Variants in PTGFRN observed in about 807,000 individuals in gnomAD.
The protein encoded by PTGFRN is prostaglandin F2 receptor negative regulator.
Under a neutral mutation model 83.2 loss-of-function variants are expected in PTGFRN, and 35 were observed. The observed-to-expected ratio is 0.42, with a 90% confidence interval of 0.32 to 0.56. The LOEUF (loss-of-function observed/expected upper bound fraction) is 0.56, where lower values mean the gene tolerates loss of function less well. Among genes scored for constraint, PTGFRN ranks in the 20% least tolerant of loss-of-function variants. The probability of loss-of-function intolerance (pLI) is 0.11; values close to 1 mark genes in which losing one functional copy is unlikely to be tolerated. For synonymous variants in PTGFRN, 519 were observed against 498.6 expected, an observed-to-expected ratio of 1.04 and a Z score of -0.55; for missense variants, 1,051 against 1,179.5, an observed-to-expected ratio of 0.89 and a Z score of 1.60.
At position 116,986,935 on chromosome 1, in the gene PTGFRN, C is replaced by A; in HGVS notation, c.2608C>A (p.Arg870Ser). Residue 870 changes from arginine (R) to serine (S), a missense_variant, in exon 9 of 9, where the codon CGC (arginine) becomes AGC (serine). Coordinates refer to ENST00000393203, the MANE Select transcript of PTGFRN (RefSeq NM_020440.4). Reference sequence around the variant, plus strand: ...GGAGGTTCAGGAGACACGGCGCGAGCGCCGCAGGCTCATGTCGATGGAGAT... The same window carrying A: ...GGAGGTTCAGGAGACACGGCGCGAGAGCCGCAGGCTCATGTCGATGGAGAT... ...KKEVQETRRERRRLMSMEMD is the reference protein window; with the variant it reads ...KKEVQETRRESRRLMSMEMD 1 of 1,614,218 alleles carries A rather than the reference C, an allele frequency of 6.2e-7. No homozygotes were observed. Among genetic ancestry groups the A allele is most frequent in the Non-Finnish European group, 8.5e-7 (1 of 1,180,036 alleles).
intron 7 of PTGFRN, among the ~76,000 whole-genome samples, chr1:116,980,478 A>G (rs1373980407): frequency 2.0e-5 from 3 of 152,210 alleles, no homozygotes; most frequent in African/African-American, 7.2e-5. Context: ...GTGATAGACT[A>G]GATTAAGAAA....
intron 6 of PTGFRN, 63 bp from the exon 7 acceptor site, chr1:116,974,153 A>C: frequency 7.6e-7 from 1 of 1,315,304 alleles, no homozygotes; most frequent in South Asian, 1.3e-5. Context: ...CTTAGAGTGC[A>C]AAGAATGGAA....
At chr1:116,985,387 CACTGG>C (rs1651435459) in intron 8 of PTGFRN, among the ~76,000 whole-genome samples, 1 of 152,096 alleles carries the variant, frequency 6.6e-6, no homozygotes, top group Non-Finnish European at 1.5e-5. Context: ...CTCTCACTAC[CACTGG>C]TTTTGCTTCT....
rs149030409 is a variant in PTGFRN at position 116,949,357 on chromosome 1, G to A, written c.998G>A (p.Arg333Gln). Residue 333 changes from arginine (R) to glutamine (Q), a missense_variant, in exon 4 of 9, where the codon CGG becomes CAG. By Grantham distance (43) the Arg-to-Gln change is conservative. Transcript: ENST00000393203. ...CTACCTGGCTCCCGCGTGTTGGCGC[G>A]GCTTGACCGTGATTCCCTGGTGCAC... ...STLPGSRVLA[R>Q]LDRDSLVHSS... 4.9e-5 allele frequency: 79 copies of A among 1,614,134 alleles called. No individual in the cohort carries two copies. Among genetic ancestry groups the A allele is most frequent in the African/African-American group, 4.0e-5 (3 of 74,936 alleles).
chr1:116,949,324 A>G lies in PTGFRN; in HGVS notation c.965A>G (p.Asp322Gly). ...ACGTGGTCCTTCAGCAGGATGCCTG[A>G]CAGCACCCTACCTGGCTCCCGCGTG... ...EVTWSFSRMP[D>G]STLPGSRVLA... Residue 322 changes from aspartate to glycine, a missense_variant, in exon 4 of 9, where the codon GAC (aspartate) becomes GGC (glycine). Coordinates refer to ENST00000393203, the MANE Select transcript of PTGFRN (RefSeq NM_020440.4). 6.2e-7 allele frequency: 1 copy of G among 1,614,278 alleles called. No individual in the cohort carries two copies. The highest frequency in any genetic ancestry group is 8.5e-7 in the Non-Finnish European group (1 of 1,180,050).
intron 3 of PTGFRN, among the ~76,000 whole-genome samples, chr1:116,948,760 C>T (rs1487694504): frequency 6.6e-6 from 1 of 152,194 alleles, no homozygotes; most frequent in Non-Finnish European, 1.5e-5. Context: ...CAAAAGATAG[C>T]ATAACAGTGA....
At chr1:116,979,143 C>T (rs1292211462) in intron 7 of PTGFRN, among the ~76,000 whole-genome samples, 2 of 152,034 alleles carry the variant, frequency 1.3e-5, no homozygotes, top group Non-Finnish European at 2.9e-5. Flanking sequence ...GAATAAAATA[C>T]CTAGGAATCC....
In PTGFRN at chr1:116,974,327, C is replaced by T; in HGVS notation, c.2167+4C>T. ...GAGGGAGCAGCACTGGATCCAGGTACCTCACTCCATCCTCACCCCTTCACC... is the reference window on the plus strand; with the variant it reads ...GAGGGAGCAGCACTGGATCCAGGTATCTCACTCCATCCTCACCCCTTCACC... On this transcript the variant is annotated splice_donor_region_variant and intron_variant, in intron 7 of 8. Transcript: ENST00000393203. 6.3e-7 allele frequency: 1 copy of T among 1,583,666 alleles called. No individual in the cohort carries two copies. The highest frequency in any genetic ancestry group is 1.1e-5 in the South Asian group (1 of 90,244).
chr1:116,966,961 G>C lies in PTGFRN; in HGVS notation c.1690G>C (p.Gly564Arg). The change falls in exon 6 of 9, where the codon GGA becomes CGA. Residue 564 changes from glycine to arginine, a missense_variant. Coordinates refer to ENST00000393203, the MANE Select transcript of PTGFRN (RefSeq NM_020440.4). Reference sequence around the variant, plus strand: ...GCAGCCAAAGCCTTTCTTTGCTGCCGGAAATACATTTGAGATGACTTGCAA... The same window carrying C: ...GCAGCCAAAGCCTTTCTTTGCTGCCCGAAATACATTTGAGATGACTTGCAA... ...ARQPKPFFAA[G>R]NTFEMTCKVS... 6.2e-7 allele frequency: 1 copy of C among 1,611,442 alleles called. No individual in the cohort carries two copies. Among genetic ancestry groups the C allele is most frequent in the African/African-American group, 1.3e-5 (1 of 74,964 alleles).
chr1:116,925,933 T>C (rs976688830), intron 1 of PTGFRN, among the ~76,000 whole-genome samples: 19 of 152,218 alleles, frequency 1.2e-4, no homozygotes, highest in Admixed American at 1.2e-3. Context: ...CCAGAGTCTT[T>C]TTTAATTTAA....
intron 5 of PTGFRN, among the ~76,000 whole-genome samples, chr1:116,966,025 C>T (rs192576664): frequency 4.2e-4 from 64 of 152,252 alleles, no homozygotes; most frequent in African/African-American, 1.4e-3. Flanking sequence ...AAAAATCTAA[C>T]GTAAAAATCT....
chr1:116,961,387 G>C lies in PTGFRN; in HGVS notation c.1358G>C (p.Arg453Pro). 1 of 1,612,194 alleles carries C rather than the reference G, an allele frequency of 6.2e-7. No homozygotes were observed. Among genetic ancestry groups the C allele is most frequent in the Non-Finnish European group, 8.5e-7 (1 of 1,178,622 alleles). Residue 453 changes from arginine (R) to proline (P), a missense_variant, in exon 5 of 9, where the codon CGG (arginine) becomes CCG (proline). Transcript: ENST00000393203. The surrounding 1 kb of genome is among the most constrained non-coding windows in gnomAD (Gnocchi z 5.4). ...GTTTCGTGGTACTACAGGATGAACC[G>C]GCGCAGCGACAATGTGGTGACCAGC... ...FTVSWYYRMN[R>P]RSDNVVTSEL...
At position 116,949,481 on chromosome 1, in the gene PTGFRN, C is replaced by A. The variant is rs771592911; in HGVS notation, c.1122C>A (p.His374Gln). Residue 374 changes from histidine to glutamine, a missense_variant, in exon 4 of 9, where the codon CAC (histidine) becomes CAA (glutamine). Coordinates refer to ENST00000393203, the MANE Select transcript of PTGFRN (RefSeq NM_020440.4). ...AAAACTCTGGCTACTATTACTGCCA[C>A]GTGTCCCTGTGGGCACCCGGACACA... ...SKENSGYYYC[H>Q]VSLWAPGHNR... is the part of the protein sequence containing the mutation. The A allele has an allele frequency of 6.2e-7, 1 of 1,614,242 alleles. No individual in the cohort carries two copies. The highest frequency in any genetic ancestry group is 1.7e-5 in the Admixed American group (1 of 60,036).
intron 1 of PTGFRN, among the ~76,000 whole-genome samples, chr1:116,928,699 A>G (rs534954421): frequency 3.3e-5 from 5 of 152,130 alleles, no homozygotes; most frequent in Non-Finnish European, 5.9e-5. Flanking sequence ...TGCTTATTCT[A>G]AACCTTTGTC....
At chr1:116,944,209 C>T (rs1650125237) in intron 2 of PTGFRN, among the ~76,000 whole-genome samples, 1 of 152,198 alleles carries the variant, frequency 6.6e-6, no homozygotes, top group African/African-American at 2.4e-5. Flanking sequence ...GGCTCCCTAG[C>T]CTAGCCCTGG....
At chr1:116,927,968 A>G (rs1649695882) in intron 1 of PTGFRN, among the ~76,000 whole-genome samples, 1 of 152,222 alleles carries the variant, frequency 6.6e-6, no homozygotes, top group Non-Finnish European at 1.5e-5. Context: ...AGGCTGAAAG[A>G]AGATTTCCAG....
intron 4 of PTGFRN, among the ~76,000 whole-genome samples, chr1:116,954,109 C>T (rs746615016): frequency 3.3e-5 from 5 of 152,076 alleles, no homozygotes; most frequent in African/African-American, 7.2e-5. Flanking sequence ...CCGCCCGTCT[C>T]GGCCTCCCAA....
Position 116,949,358 on chromosome 1 carries a change from G to C in PTGFRN, c.999G>C (p.Arg333=). The part of the protein sequence containing the change: ...STLPGSRVLA[R]LDRDSLVHSS... ...TACCTGGCTCCCGCGTGTTGGCGCG[G>C]CTTGACCGTGATTCCCTGGTGCACA... Residue 333 remains arginine (R), a synonymous_variant, in exon 4 of 9, where the codon CGG becomes CGC. Transcript: ENST00000393203. 1 of 1,614,276 alleles carries C rather than the reference G, an allele frequency of 6.2e-7. No individual in the cohort carries two copies. The highest frequency in any genetic ancestry group is 8.5e-7 in the Non-Finnish European group (1 of 1,180,052).
At chr1:116,911,828 T>A (rs192729884) in intron 1 of PTGFRN, among the ~76,000 whole-genome samples, 3 of 152,322 alleles carry the variant, frequency 2.0e-5, no homozygotes, top group Admixed American at 1.3e-4. Flanking sequence ...TAATCTTTAC[T>A]TTTCACTCTG....
Sources: gnomAD v4.1 joint callset for allele counts (sites outside exome capture counted in the v4.1 genomes callset) on GRCh38, gnomAD v4.1.1 for gene constraint, Gnocchi (gnomAD v3.1) non-coding constraint, MANE v1.5 for transcripts, NCBI Gene and HGNC (gene_info 2026-07-23, HGNC 2026-07-21) for gene names.